ACAN: variants seen among roughly 807,000 people sequenced by gnomAD.
ACAN encodes aggrecan.
A neutral mutation model predicts 169.1 loss-of-function variants in ACAN; 47 were observed. The observed-to-expected ratio is 0.28, with a 90% CI of 0.22 to 0.35. The LOEUF (loss-of-function observed/expected upper bound fraction) is 0.35. Among genes scored for constraint, ACAN ranks in the 10% least tolerant of loss-of-function variants. The pLI is 1.00. For synonymous variants in ACAN, 1,115 were observed against 1,112.2 expected (o/e 1.00, Z -0.05); for missense variants, 2,716 against 2,759.9 (o/e 0.98, Z 0.36).
intron 1 of ACAN, among the ~76,000 whole-genome samples, chr15:88,825,079 G>A (rs544301327): frequency 1.9e-4 from 29 of 152,250 alleles, no homozygotes; most frequent in African/African-American, 5.5e-4. Flanking sequence ...AAATCAGCTC[G>A]TGTGGTCAAG....
intron 1 of ACAN, 67 bp from the exon 2 acceptor site, chr15:88,836,133 A>C: frequency 4.4e-6 from 5 of 1,143,794 alleles, no homozygotes; most frequent in Non-Finnish European, 6.6e-6. Context: ...ATCATATGTC[A>C]CATGACTCTG....
chr15:88,871,894 C>T lies in ACAN; in HGVS notation c.7220-109C>T. 1 of 1,014,754 alleles carries T rather than the reference C, an allele frequency of 9.9e-7. No individual in the cohort carries two copies. Among genetic ancestry groups the T allele is most frequent in the Non-Finnish European group, 1.6e-6 (1 of 643,740 alleles). 62.9% of individuals were successfully genotyped at this position (1,014,754 alleles called of 1,614,324 possible). A position where few individuals can be genotyped will look rare whatever the true frequency, so the allele number is the denominator to read the frequency against. On this transcript the variant is annotated intron_variant, in intron 15 of 18. Coordinates refer to ENST00000560601, the MANE Select transcript of ACAN (RefSeq NM_001369268.1). This position sits in a 1 kb window ranked among gnomAD's most constrained non-coding sequence, Gnocchi z 7.8. ...GAAGCACGTGCCTTGCTCCTAGGAG[C>T]CCACCCACCTCCTTTCCTCCTCCAT...
At chr15:88,803,860 G>A (rs745441746) in intron 1 of ACAN, 51 bp downstream of exon 1, 1 of 152,418 alleles carries the variant, frequency 6.6e-6, no homozygotes, top group Non-Finnish European at 1.5e-5. Context: ...CGCCCGGCGA[G>A]CCAGGAACGG....
intron 4 of ACAN, among the ~76,000 whole-genome samples, 181 bp from the exon 5 acceptor site, chr15:88,841,559 G>T (rs1173233855): frequency 6.6e-6 from 1 of 152,122 alleles, no homozygotes; most frequent in Non-Finnish European, 1.5e-5. Context: ...TCAGTAGTGG[G>T]GGCTGCCTTT....
chr15:88,874,392 C>A lies in ACAN; in HGVS notation c.7631-13C>A. ...AGGTCCACTGATATCTTTCCATCTC[C>A]CTTTCGTCCTAGCCACCACCTACAA... On this transcript the variant is annotated splice_polypyrimidine_tract_variant and intron_variant, in intron 18 of 18. Coordinates refer to ENST00000560601, the MANE Select transcript of ACAN (RefSeq NM_001369268.1). This position sits in a 1 kb window ranked among gnomAD's most constrained non-coding sequence, Gnocchi z 7.3. The A allele has an allele frequency of 6.3e-7, 1 of 1,593,222 alleles. No homozygotes were observed.
rs1896873784 is a variant in ACAN, at chr15:88,849,376, G to A, written c.1733-62G>A. The stretch of plus-strand genomic sequence containing the variant: ...GTTAGAGGAACTCTGTCCTGGGTGG[G>A]CAGGGATGGACCTGGCCTGAGTGTG... On this transcript the variant is annotated intron_variant, in intron 9 of 18. Coordinates refer to ENST00000560601, the MANE Select transcript of ACAN (RefSeq NM_001369268.1). The surrounding 1 kb of genome is among the most constrained non-coding windows in gnomAD (Gnocchi z 5.1). The A allele has an allele frequency of 1.4e-6, 2 of 1,448,912 alleles. No individual in the cohort carries two copies. Among genetic ancestry groups the A allele is most frequent in the East Asian group, 2.4e-5 (1 of 40,948 alleles). The allele number at this position is 1,448,912 out of a possible 1,614,324, so 89.8% of individuals were successfully genotyped here.
At position 88,838,811 on chromosome 15, in the gene ACAN, C is replaced by T. The variant is rs762816809; in HGVS notation, c.219C>T (p.Ile73=). ...APSTAPLAPR[I]KWSRVSKEKE... The stretch of plus-strand genomic sequence containing the variant: ...CTACCGCCCCACTGGCCCCAAGAAT[C>T]AAGTGGAGCCGTGTGTCCAAGGAGA... The change falls in exon 3 of 19, where the codon ATC becomes ATT. Residue 73 remains isoleucine, a synonymous_variant. Transcript: ENST00000560601. This position sits in a 1 kb window ranked among gnomAD's most constrained non-coding sequence, Gnocchi z 5.1. 6.2e-7 allele frequency: 1 copy of T among 1,613,886 alleles called. No homozygotes were observed. Among genetic ancestry groups the T allele is most frequent in the African/African-American group, 1.3e-5 (1 of 74,932 alleles).
chr15:88,858,346 G>T lies in ACAN; in HGVS notation c.5761G>T (p.Ala1921Ser). 6.2e-7 allele frequency: 1 copy of T among 1,613,976 alleles called. No homozygotes were observed. Among genetic ancestry groups the T allele is most frequent in the East Asian group, 2.2e-5 (1 of 44,880 alleles). The change falls in exon 12 of 19, where the codon GCA (alanine) becomes TCA (serine). Residue 1921 changes from alanine (A) to serine (S), a missense_variant. This residue lies in a region of ACAN where 1,389 missense variants were observed against 1,363.7 expected (regional missense o/e 1.02). Transcript: ENST00000560601. The surrounding 1 kb of genome is among the most constrained non-coding windows in gnomAD (Gnocchi z 4.0). ...AEIGSSLPSG[A>S]YYGSGTPSSF... ...GATTGGGAGCAGCCTGCCCTCGGGAGCATATTATGGCAGTGGAACTCCATC... is the reference window on the plus strand; with the variant it reads ...GATTGGGAGCAGCCTGCCCTCGGGATCATATTATGGCAGTGGAACTCCATC...
intron 2 of ACAN, among the ~76,000 whole-genome samples, chr15:88,837,428 G>A (rs1896532258): frequency 6.6e-6 from 1 of 152,190 alleles, no homozygotes; most frequent in African/African-American, 2.4e-5. Flanking sequence ...CAATCTGTTG[G>A]CCTGATTTAC....
chr15:88,867,507 TTA>T (rs758585538), intron 13 of ACAN, among the ~76,000 whole-genome samples: 4 of 152,126 alleles, frequency 2.6e-5, no homozygotes, highest in Non-Finnish European at 2.9e-5. Flanking sequence ...TGAAAGGAGA[TTA>T]TATGGGGAAA....
chr15:88,842,892 C>T (rs540183042), intron 5 of ACAN, among the ~76,000 whole-genome samples: 1 of 152,252 alleles, frequency 6.6e-6, no homozygotes, highest in South Asian at 2.1e-4. Flanking sequence ...ACGGACTCTT[C>T]AGGGTCTAGA....
Position 88,838,613 on chromosome 15 carries a change from C to A in ACAN, c.71-50C>A. The A allele has an allele frequency of 3.9e-6, 6 of 1,529,954 alleles. No individual in the cohort carries two copies. The highest frequency in any genetic ancestry group is 5.3e-6 in the Non-Finnish European group (6 of 1,137,464). 94.8% of individuals were successfully genotyped at this position (1,529,954 alleles called of 1,614,324 possible). ...AGGATGGATGGGGAGGCGGGGTGGT[C>A]CTCTCTAGGCACTAACAGGTCTCTC... On this transcript the variant is annotated intron_variant, in intron 2 of 18. Coordinates refer to ENST00000560601, the MANE Select transcript of ACAN (RefSeq NM_001369268.1). The surrounding 1 kb of genome is among the most constrained non-coding windows in gnomAD (Gnocchi z 5.1).
rs764102419 is a variant in ACAN at position 88,845,588 on chromosome 15, G to A, written c.1135G>A (p.Asp379Asn). ...DITVQTVTWPDMELPLPRNIT... is the reference protein window; with the variant it reads ...DITVQTVTWPNMELPLPRNIT... The stretch of plus-strand genomic sequence containing the variant: ...CACCGTCCAGACAGTGACCTGGCCT[G>A]ACATGGAGCTGCCACTGCCTCGAAA... The change falls in exon 7 of 19, where the codon GAC becomes AAC. Residue 379 changes from aspartate to asparagine, a missense_variant. Asp to Asn is a conservative substitution (Grantham distance 23, BLOSUM62 1). Around this residue, in one of 3 missense-constraint regions of ACAN, gnomAD observed 1,283 missense variants for 1,281.5 expected, o/e 1.00. Coordinates refer to ENST00000560601, the MANE Select transcript of ACAN (RefSeq NM_001369268.1). 3 of 1,614,046 alleles carry A rather than the reference G, an allele frequency of 1.9e-6. No homozygotes were observed. Among genetic ancestry groups the A allele is most frequent in the South Asian group, 1.1e-5 (1 of 91,086 alleles).
chr15:88,840,960 T>C (rs113614592), intron 4 of ACAN, among the ~76,000 whole-genome samples: 26,117 of 151,928 alleles, frequency 0.17, 2,472 homozygotes, highest in South Asian at 0.26. Flanking sequence ...CTAGCTAACA[T>C]GGTGAAACCC....
intron 1 of ACAN, among the ~76,000 whole-genome samples, chr15:88,816,235 G>T (rs150399144): frequency 6.6e-6 from 1 of 152,224 alleles, no homozygotes; most frequent in Non-Finnish European, 1.5e-5. Context: ...GGCAATGGGG[G>T]TTCAGGCTTA....
chr15:88,809,199 A>G (rs1895759454), intron 1 of ACAN, among the ~76,000 whole-genome samples: 1 of 152,174 alleles, frequency 6.6e-6, no homozygotes, highest in Non-Finnish European at 1.5e-5. Flanking sequence ...AAGCCAAAGA[A>G]GGCTGCTCTT....
rs769337152 is a variant in ACAN at position 88,855,331 on chromosome 15, A to T, written c.2746A>T (p.Ser916Cys). ...STVGSGLPVE[S>C]GLPSGDEERI... The stretch of plus-strand genomic sequence containing the variant: ...AGTGGGCTCAGGCCTGCCTGTGGAA[A>T]GTGGACTACCCTCAGGGGATGAAGA... The change falls in exon 12 of 19, where the codon AGT (serine) becomes TGT (cysteine). Residue 916 changes from serine (S) to cysteine (C), a missense_variant. Around this residue, in one of 3 missense-constraint regions of ACAN, gnomAD observed 1,283 missense variants for 1,281.5 expected, o/e 1.00. Transcript: ENST00000560601. 29 of 1,612,474 alleles carry T rather than the reference A, an allele frequency of 1.8e-5. No homozygotes were observed. Among genetic ancestry groups the T allele is most frequent in the Admixed American group, 3.3e-5 (2 of 60,004 alleles).
At chr15:88,805,935 C>A (rs1895669132) in intron 1 of ACAN, among the ~76,000 whole-genome samples, 1 of 152,204 alleles carries the variant, frequency 6.6e-6, no homozygotes, top group South Asian at 2.1e-4. Flanking sequence ...AGAGCGTTCT[C>A]CTCCTCTTAT....
At position 88,843,771 on chromosome 15, in the gene ACAN, C is replaced by A; in HGVS notation, c.1051+123C>A. The A allele has an allele frequency of 7.9e-7, 1 of 1,266,626 alleles. No homozygotes were observed. Among genetic ancestry groups the A allele is most frequent in the Non-Finnish European group, 1.1e-6 (1 of 939,566 alleles). 78.5% of individuals were successfully genotyped at this position (1,266,626 alleles called of 1,614,324 possible). On this transcript the variant is annotated intron_variant, in intron 6 of 18. Transcript: ENST00000560601. This position sits in a 1 kb window ranked among gnomAD's most constrained non-coding sequence, Gnocchi z 4.0. The stretch of plus-strand genomic sequence containing the variant: ...TTGAAGGGGCCACGGGGTACCTGAA[C>A]CCCATGTTTTTAGGACACCCCTCCA...
Sources: allele counts gnomAD v4.1 joint callset (sites outside exome capture counted in the v4.1 genomes callset), GRCh38; gene constraint gnomAD v4.1.1; regional missense constraint gnomAD v4.1.1; non-coding constraint Gnocchi (gnomAD v3.1); transcripts MANE v1.5; gene names NCBI Gene and HGNC (gene_info 2026-07-23, HGNC 2026-07-21).